The following ADCYAP1R1 variants were observed in gnomAD, a reference collection of about 807,000 sequenced individuals.
ADCYAP1R1 encodes pituitary adenylate cyclase-activating polypeptide type I receptor.
In ADCYAP1R1, 44 loss-of-function variants were observed where a neutral mutation model predicts 67.6. The ratio of observed to expected loss-of-function variants is 0.65; its 90% CI spans 0.51 to 0.84. ADCYAP1R1 has a LOEUF of 0.84. ADCYAP1R1 is among the 40% of genes least tolerant of loss of function. ADCYAP1R1 has a pLI of 0.00. For synonymous variants in ADCYAP1R1, 222 were observed against 219.6 expected (o/e 1.01, Z -0.10); for missense variants, 477 against 587.9 (o/e 0.81, Z 1.95).
intron 1 of ADCYAP1R1, among the ~76,000 whole-genome samples, chr7:31,058,742 C>T (rs1794366559): frequency 6.6e-6 from 1 of 152,068 alleles, no homozygotes; most frequent in Non-Finnish European, 1.5e-5. Flanking sequence ...GTGTGGGGGT[C>T]CCTACTAGGG....
At chr7:31,066,118 A>C (rs1243613186) in intron 3 of ADCYAP1R1, among the ~76,000 whole-genome samples, 1 of 152,224 alleles carries the variant, frequency 6.6e-6, no homozygotes, top group Non-Finnish European at 1.5e-5. Context: ...GACCCAAAGA[A>C]TATCCCAAGA....
At position 31,102,533 on chromosome 7, in the gene ADCYAP1R1, A is replaced by G. The variant is rs1479343279; in HGVS notation, c.1047-704A>G. ...AGGGGAACTCCAGGAGAGCTGCCTCAGGAAGCACTGCAGTCCTCCGGCCCT... is the reference window on the plus strand; with the variant it reads ...AGGGGAACTCCAGGAGAGCTGCCTCGGGAAGCACTGCAGTCCTCCGGCCCT... On this transcript the variant is annotated intron_variant, in intron 13 of 15. Coordinates refer to ENST00000304166, the MANE Select transcript of ADCYAP1R1 (RefSeq NM_001118.5). This position sits in a 1 kb window ranked among gnomAD's most constrained non-coding sequence, Gnocchi z 4.3. Among the ~76,000 whole-genome samples the G allele has an allele frequency of 3.9e-5, 6 of 152,208 alleles. No individual in the cohort carries two copies. The highest frequency in any genetic ancestry group is 3.9e-4 in the Admixed American group (6 of 15,286).
At chr7:31,098,256 G>A (rs541832570) in intron 13 of ADCYAP1R1, among the ~76,000 whole-genome samples, 46 of 152,134 alleles carry the variant, frequency 3.0e-4, no homozygotes, top group Non-Finnish European at 5.7e-4. Context: ...AATAGAATAG[G>A]TACCATTTCT....
intron 8 of ADCYAP1R1, 36 bp from the exon 9 acceptor site, chr7:31,085,274 T>C: frequency 6.2e-7 from 1 of 1,600,892 alleles, no homozygotes; most frequent in Non-Finnish European, 8.5e-7. Context: ...TGCTGTGGGG[T>C]CCAAGGCTTC....
chr7:31,069,495 C>T (rs741055), intron 3 of ADCYAP1R1, among the ~76,000 whole-genome samples: 9,361 of 152,186 alleles, frequency 0.062, 333 homozygotes, highest in Middle Eastern at 0.1. Context: ...GTTTAATATA[C>T]TTGTATATAT....
Position 31,107,059 on chromosome 7 carries a change from C to T in ADCYAP1R1, c.*375C>T. ...GACCCCAGCTGTGAGGCCTTGTGAGCTAAGGCTGAAGAGACCTTGCCTGTG... is the reference window on the plus strand; with the variant it reads ...GACCCCAGCTGTGAGGCCTTGTGAGTTAAGGCTGAAGAGACCTTGCCTGTG... On this transcript the variant is annotated 3_prime_UTR_variant, in exon 16 of 16. Transcript: ENST00000304166. The T allele has an allele frequency of 4.9e-6, 1 of 202,512 alleles. No individual in the cohort carries two copies. The highest frequency in any genetic ancestry group is 1.3e-4 in the East Asian group (1 of 7,794). 12.5% of individuals were successfully genotyped at this position (202,512 alleles called of 1,614,324 possible).
At chr7:31,100,285 G>A in intron 13 of ADCYAP1R1, 1 of 1,410,040 alleles carries the variant, frequency 7.1e-7, no homozygotes. Context: ...TGCCGCTGCT[G>A]GAGGAGAGTG....
intron 5 of ADCYAP1R1, among the ~76,000 whole-genome samples, chr7:31,081,432 A>G (rs1288231001): frequency 6.6e-6 from 1 of 152,112 alleles, no homozygotes; most frequent in Non-Finnish European, 1.5e-5. Context: ...AGGCCCTCCC[A>G]TCCTCCTGGC....
chr7:31,065,045 C>A, intron 3 of ADCYAP1R1, 109 bp downstream of exon 3: 1 of 740,726 alleles, frequency 1.4e-6, no homozygotes, highest in Non-Finnish European at 2.2e-6. Context: ...TTTCTGGGGA[C>A]TTCAGAAGGC....
rs867625857 is a variant in ADCYAP1R1 at position 31,085,266 on chromosome 7, C to A, written c.537-44C>A. The A allele has an allele frequency of 6.3e-6, 10 of 1,592,954 alleles. 1 individual carries two copies. The Middle Eastern group carries it at 1.3e-3, about 202-fold the overall frequency. ...ATGCCCACATGGAGGGTGTGAAATG[C>A]TGTGGGGTCCAAGGCTTCTTTCTCC... On this transcript the variant is annotated intron_variant, in intron 8 of 15. Coordinates refer to ENST00000304166, the MANE Select transcript of ADCYAP1R1 (RefSeq NM_001118.5).
chr7:31,091,528 G>C (rs771267650), intron 12 of ADCYAP1R1, among the ~76,000 whole-genome samples: 3 of 152,096 alleles, frequency 2.0e-5, no homozygotes, highest in Non-Finnish European at 2.9e-5. Context: ...TTTTCTTCTA[G>C]GACTTTTATA....
intron 4 of ADCYAP1R1, among the ~76,000 whole-genome samples, chr7:31,079,185 T>C (rs1427521385): frequency 6.6e-6 from 1 of 152,198 alleles, no homozygotes; most frequent in African/African-American, 2.4e-5. Flanking sequence ...ATGGGTCCCT[T>C]GGGCTCTTCC....
intron 4 of ADCYAP1R1, among the ~76,000 whole-genome samples, chr7:31,079,808 C>G (rs965236360): frequency 6.6e-6 from 1 of 152,160 alleles, no homozygotes; most frequent in African/African-American, 2.4e-5. Context: ...CATCTGAGGG[C>G]CTGGGGATTG....
chr7:31,100,924 G>T (rs1796410462), intron 13 of ADCYAP1R1, among the ~76,000 whole-genome samples: 1 of 152,182 alleles, frequency 6.6e-6, no homozygotes. Context: ...TGCCCTTCTT[G>T]GTATTTTGGG....
chr7:31,063,153 G>A, intron 1 of ADCYAP1R1, 41 bp from the exon 2 acceptor site: 2 of 1,349,426 alleles, frequency 1.5e-6, no homozygotes, highest in South Asian at 1.2e-5. Context: ...CCCGGCCACT[G>A]CACTGGGCTC....
intron 13 of ADCYAP1R1, among the ~76,000 whole-genome samples, chr7:31,097,373 G>A (rs1249133495): frequency 6.6e-6 from 1 of 152,204 alleles, no homozygotes; most frequent in Non-Finnish European, 1.5e-5. Flanking sequence ...TGACTTTTAA[G>A]ACATTCTGAC....
chr7:31,093,118 T>C (rs1454330626), intron 13 of ADCYAP1R1, among the ~76,000 whole-genome samples: 1 of 152,188 alleles, frequency 6.6e-6, no homozygotes. Context: ...CTGAATACAT[T>C]GTTGCCTGAT....
chr7:31,060,488 A>T (rs979135475), intron 1 of ADCYAP1R1, among the ~76,000 whole-genome samples: 1 of 149,366 alleles, frequency 6.7e-6, no homozygotes, highest in African/African-American at 2.5e-5. Context: ...TCTGTGAAGG[A>T]GTGTGTGTGT....
chr7:31,081,671 A>T, intron 5 of ADCYAP1R1, 42 bp from the exon 6 acceptor site: 1 of 1,538,264 alleles, frequency 6.5e-7, no homozygotes, highest in Non-Finnish European at 8.9e-7. Context: ...AGCTAACTGT[A>T]AGCCAGGCAT....
Sources: allele counts gnomAD v4.1 joint callset (sites outside exome capture counted in the v4.1 genomes callset), GRCh38; gene constraint gnomAD v4.1.1; non-coding constraint Gnocchi (gnomAD v3.1); transcripts MANE v1.5; gene names NCBI Gene and HGNC (gene_info 2026-07-23, HGNC 2026-07-21).